The following FMN1 variants were observed in gnomAD, a reference collection of about 807,000 sequenced individuals.
FMN1 encodes the protein formin-1.
A neutral mutation model predicts 132.4 loss-of-function variants in FMN1; 110 were observed. The observed-to-expected ratio is 0.83, with a 90% CI of 0.71 to 0.97. FMN1 has a LOEUF of 0.97. Ranked by LOEUF, FMN1 falls within the 50% of genes least tolerant of loss-of-function variation. The probability of loss-of-function intolerance (pLI) is 0.00; values close to 1 mark genes in which losing one functional copy is unlikely to be tolerated. For missense variants in FMN1, 1,792 were observed against 1,705.3 expected (o/e 1.05, Z -0.90); for synonymous variants, 722 against 651.7 (o/e 1.11, Z -1.64).
At chr15:32,850,648 T>C (rs1214991862) in intron 17 of FMN1, among the ~76,000 whole-genome samples, 3 of 152,242 alleles carry the variant, frequency 2.0e-5, no homozygotes, top group African/African-American at 4.8e-5. Context: ...GCCTATATGA[T>C]GTTGGGACAA....
chr15:33,020,266 T>C (rs1321620495), intron 6 of FMN1, among the ~76,000 whole-genome samples: 1 of 152,140 alleles, frequency 6.6e-6, no homozygotes, highest in Non-Finnish European at 1.5e-5. Context: ...CACTATTGAA[T>C]TGGGGAATAC....
intron 7 of FMN1, 67 bp from the exon 8 acceptor site, chr15:32,969,544 C>A: frequency 6.6e-7 from 1 of 1,522,162 alleles, no homozygotes; most frequent in Non-Finnish European, 8.9e-7. Flanking sequence ...AATTTAGAAA[C>A]TCAATAATAC....
chr15:32,886,248 A>G (rs530258188), intron 16 of FMN1, among the ~76,000 whole-genome samples: 3 of 152,264 alleles, frequency 2.0e-5, no homozygotes, highest in South Asian at 2.1e-4. Context: ...TAAATATTCC[A>G]TGTGTGTGAG....
intron 5 of FMN1, among the ~76,000 whole-genome samples, chr15:33,077,541 T>C (rs568804470): frequency 9.2e-5 from 14 of 151,392 alleles, no homozygotes; most frequent in African/African-American, 3.1e-4. Flanking sequence ...CAGGCCCCGG[T>C]GTGTGATGTT....
intron 15 of FMN1, among the ~76,000 whole-genome samples, chr15:32,888,635 T>G (rs964883430): frequency 2.6e-5 from 4 of 152,222 alleles, no homozygotes; most frequent in Admixed American, 6.5e-5. Flanking sequence ...GTACTTACAT[T>G]TGAAGTCCCC....
chr15:32,946,347 T>G (rs567708198), intron 9 of FMN1, among the ~76,000 whole-genome samples: 2 of 152,298 alleles, frequency 1.3e-5, no homozygotes, highest in South Asian at 4.1e-4. Flanking sequence ...ACACCCATCT[T>G]GACTGGAACC....
intron 17 of FMN1, among the ~76,000 whole-genome samples, chr15:32,818,842 T>C (rs1435433752): frequency 1.3e-5 from 2 of 151,634 alleles, no homozygotes; most frequent in Non-Finnish European, 2.9e-5. Context: ...GTTCAAATAT[T>C]ATGCAAACTG....
At chr15:32,975,895 C>A (rs1318109975) in intron 7 of FMN1, among the ~76,000 whole-genome samples, 1 of 152,072 alleles carries the variant, frequency 6.6e-6, no homozygotes, top group Non-Finnish European at 1.5e-5. Flanking sequence ...TTAATATCCT[C>A]CCCATTACCA....
chr15:33,065,444 G>A (rs902176334), intron 5 of FMN1, among the ~76,000 whole-genome samples: 3 of 152,090 alleles, frequency 2.0e-5, no homozygotes, highest in Non-Finnish European at 2.9e-5. Context: ...AATGTATCCC[G>A]GGACTCCAGG....
At position 32,793,733 on chromosome 15, in the gene FMN1, A is replaced by T. The variant is rs528185250; in HGVS notation, c.4130+5071T>A. Reference sequence around the variant, plus strand: ...GTGATTGTATTATTAAGGGATTTTTAAAAATAAGCAGCTCTTTAGTGGTTA... The same window carrying T: ...GTGATTGTATTATTAAGGGATTTTTTAAAATAAGCAGCTCTTTAGTGGTTA... On this transcript the variant is annotated intron_variant, in intron 19 of 20. Coordinates refer to ENST00000616417, the MANE Select transcript of FMN1 (RefSeq NM_001277313.2). 2.6e-4 allele frequency among the ~76,000 whole-genome samples: 40 copies of T among 152,328 alleles called. 1 individual carries two copies. The South Asian group carries it at 6.6e-3, about 25-fold the overall frequency.
chr15:33,163,592 C>CTGTTTTGTTTTGTTT (rs71117113), intron 3 of FMN1, among the ~76,000 whole-genome samples: 4,129 of 145,002 alleles, frequency 0.028, 224 homozygotes, highest in African/African-American at 0.098. Flanking sequence ...CCATGCCTGG[C>CTGTTTTGTTTTGTTT]TGTTTTGTTT....
intron 16 of FMN1, among the ~76,000 whole-genome samples, chr15:32,873,789 G>C (rs1217439550): frequency 6.6e-6 from 1 of 152,082 alleles, no homozygotes; most frequent in African/African-American, 2.4e-5. Flanking sequence ...ATGTTAATAA[G>C]ACTAGGTGAT....
chr15:33,151,142 C>T (rs1964422284), intron 4 of FMN1: 2 of 1,442,044 alleles, frequency 1.4e-6, no homozygotes, highest in African/African-American at 2.9e-5. Flanking sequence ...ATCAAAGGTA[C>T]TATCTGGGGA....
At chr15:33,170,892 A>G (rs1382463894) in intron 3 of FMN1, among the ~76,000 whole-genome samples, 2 of 152,204 alleles carry the variant, frequency 1.3e-5, no homozygotes, top group Non-Finnish European at 2.9e-5. Context: ...TATCCAAAGG[A>G]AAGGAAACCA....
At chr15:32,927,018 A>G (rs562793758) in intron 9 of FMN1, among the ~76,000 whole-genome samples, 2 of 152,144 alleles carry the variant, frequency 1.3e-5, no homozygotes, top group African/African-American at 2.4e-5. Context: ...ATCTGATCCC[A>G]AACCCTAAAT....
chr15:32,988,293 G>A (rs2033211377), intron 7 of FMN1, among the ~76,000 whole-genome samples: 1 of 152,088 alleles, frequency 6.6e-6, no homozygotes. Flanking sequence ...CGTTGGGGAA[G>A]AGGAAGTATT....
intron 6 of FMN1, among the ~76,000 whole-genome samples, chr15:33,022,979 C>G (rs1325030213): frequency 6.9e-6 from 1 of 143,978 alleles, no homozygotes; most frequent in African/African-American, 2.6e-5. Flanking sequence ...GCCAGAAGTT[C>G]TAGGTGGAAG....
intron 10 of FMN1, among the ~76,000 whole-genome samples, chr15:32,920,742 G>T (rs1359728227): frequency 6.6e-6 from 1 of 152,160 alleles, no homozygotes; most frequent in African/African-American, 2.4e-5. Context: ...TCCTGCTGAA[G>T]CCAGAAACCC....
intron 16 of FMN1, among the ~76,000 whole-genome samples, chr15:32,879,951 C>G (rs1236170512): frequency 6.6e-6 from 1 of 152,136 alleles, no homozygotes; most frequent in Non-Finnish European, 1.5e-5. Context: ...CCCATCTCCA[C>G]CCCACCATTT....
Sources: gnomAD v4.1 joint callset for allele counts (sites outside exome capture counted in the v4.1 genomes callset) on GRCh38, gnomAD v4.1.1 for gene constraint, MANE v1.5 for transcripts, NCBI Gene and HGNC (gene_info 2026-07-23, HGNC 2026-07-21) for gene names.